The following FHAD1 variants were observed in gnomAD, a reference collection of about 807,000 sequenced individuals.
FHAD1 encodes the protein forkhead associated phosphopeptide binding domain 1, also known as forkhead-associated domain-containing protein 1.
In FHAD1, 146 loss-of-function variants were observed where a neutral mutation model predicts 191.3. The ratio of observed to expected loss-of-function variants is 0.76; its 90% CI spans 0.67 to 0.88. The LOEUF is 0.88. Ranked by LOEUF, FHAD1 falls within the 40% of genes least tolerant of loss-of-function variation. The probability of loss-of-function intolerance (pLI) is 0.00; values close to 1 mark genes in which losing one functional copy is unlikely to be tolerated. For missense variants in FHAD1, 1,635 were observed against 1,785.8 expected (o/e 0.92, Z 1.52); for synonymous variants, 616 against 672.3 (o/e 0.92, Z 1.29).
intron 14 of FHAD1, among the ~76,000 whole-genome samples, chr1:15,333,824 C>CTTTTTTTTTTTTTTTTT (rs55698715): frequency 1.2e-4 from 8 of 64,804 alleles, no homozygotes; most frequent in African/African-American, 1.8e-4. Context: ...TTTTATTTAT[C>CTTTTTTTTTTTTTTTTT]TTTTTTTTTT....
chr1:15,284,022 C>T (rs1661488086), intron 3 of FHAD1, among the ~76,000 whole-genome samples: 1 of 152,186 alleles, frequency 6.6e-6, no homozygotes, highest in Non-Finnish European at 1.5e-5. Flanking sequence ...TGGGGCAAGT[C>T]TCTGAACCTC....
intron 16 of FHAD1, among the ~76,000 whole-genome samples, chr1:15,344,166 G>A (rs1687939019): frequency 6.6e-6 from 1 of 152,144 alleles, no homozygotes; most frequent in African/African-American, 2.4e-5. Context: ...CTTGACCCTG[G>A]GGACTCCTTG....
At chr1:15,315,022 C>A (rs1219322433) in intron 8 of FHAD1, 1 of 151,990 alleles carries the variant, frequency 6.6e-6, no homozygotes, top group African/African-American at 2.4e-5. Flanking sequence ...GTCCCCATTT[C>A]CCTTCCCCGT....
At chr1:15,385,982 T>C (rs1702008824) in intron 31 of FHAD1, among the ~76,000 whole-genome samples, 1 of 152,182 alleles carries the variant, frequency 6.6e-6, no homozygotes, top group African/African-American at 2.4e-5. Context: ...GTGCCCAATC[T>C]AGTCCACTTC....
rs146272326 is a variant in FHAD1 at position 15,277,986 on chromosome 1, C to T, written c.300+5457C>T. ...TCCATTTTACAGGTGAGGCACAAAA[C>T]GTAACACATTTTTCGGGGTTATAGA... On this transcript the variant is annotated intron_variant, in intron 3 of 33. Transcript: ENST00000688493. Among the ~76,000 whole-genome samples the T allele has an allele frequency of 6.4e-4, 98 of 152,224 alleles. 1 individual carries two copies. In the East Asian group the frequency reaches 0.013, roughly 20 times the overall value.
At position 15,305,856 on chromosome 1, in the gene FHAD1, G is replaced by A. The variant is rs568521601; in HGVS notation, c.916-2757G>A. 1.1e-4 allele frequency: 43 copies of A among 387,110 alleles called. No individual in the cohort carries two copies. In the East Asian group the frequency reaches 1.3e-3, roughly 11 times the overall value. 24.0% of individuals were successfully genotyped at this position (387,110 alleles called of 1,614,324 possible). On this transcript the variant is annotated intron_variant, in intron 6 of 33. Coordinates refer to ENST00000688493, the MANE Select transcript of FHAD1 (RefSeq NM_001391957.1). ...TAAATCTCTTTTTCTTCCCAGTATCGGGTATGGCTTTATCAGCAGTGTGAA... is the reference window on the plus strand; with the variant it reads ...TAAATCTCTTTTTCTTCCCAGTATCAGGTATGGCTTTATCAGCAGTGTGAA...
At chr1:15,269,912 TC>T in intron 2 of FHAD1, among the ~76,000 whole-genome samples, 1 of 130,792 alleles carries the variant, frequency 7.6e-6, no homozygotes, top group Non-Finnish European at 1.6e-5. Context: ...TATTTATGGC[TC>T]TCTTTTTTTT....
chr1:15,279,791 T>TACTC (rs1659895919), intron 3 of FHAD1, among the ~76,000 whole-genome samples: 1 of 151,952 alleles, frequency 6.6e-6, no homozygotes, highest in South Asian at 2.1e-4. Context: ...GCCTGGGGCA[T>TACTC]ACTCCCTCCC....
At chr1:15,269,246 GA>G (rs200539057) in intron 2 of FHAD1, among the ~76,000 whole-genome samples, 2,017 of 152,206 alleles carry the variant, frequency 0.013, 19 homozygotes, top group Middle Eastern at 0.037. Flanking sequence ...TCCTAAGGTA[GA>G]AACTTTGATT....
chr1:15,386,169 C>A (rs751150203), intron 31 of FHAD1, among the ~76,000 whole-genome samples: 61 of 152,186 alleles, frequency 4.0e-4, no homozygotes, highest in South Asian at 4.1e-4. Flanking sequence ...ACAGGACCTG[C>A]TTCGTGGGGT....
chr1:15,260,641 A>C (rs1650598372), intron 2 of FHAD1, among the ~76,000 whole-genome samples: 1 of 152,234 alleles, frequency 6.6e-6, no homozygotes, highest in South Asian at 2.1e-4. Context: ...CCTCAGCTTC[A>C]GAGGCCTCCC....
intron 31 of FHAD1, chr1:15,384,108 A>C: frequency 1.2e-5 from 2 of 170,484 alleles, no homozygotes; most frequent in South Asian, 2.1e-4. Context: ...AGAGAGCCAA[A>C]CCCCCAGAGA....
chr1:15,308,171 G>A (rs530058152), intron 6 of FHAD1, among the ~76,000 whole-genome samples: 312 of 152,320 alleles, frequency 2.0e-3, no homozygotes, highest in African/African-American at 7.1e-3. Context: ...GGGCTTTGTA[G>A]GTTCTAGAGT....
rs578234492 is a variant in FHAD1, at chr1:15,376,754, G to A, written c.3705+1024G>A. Among the ~76,000 whole-genome samples, 19 of 152,318 alleles carry A rather than the reference G, an allele frequency of 1.2e-4. 1 individual carries two copies. In the South Asian group the frequency reaches 3.7e-3, roughly 30 times the overall value. On this transcript the variant is annotated intron_variant, in intron 28 of 33. Transcript: ENST00000688493. ...TGTTATTATTAAAATTATTTAAATA[G>A]GCCAGGTGTGGTGGCTCACGCCCAT...
Position 15,395,183 on chromosome 1 carries a change from G to A in FHAD1, c.4324-2114G>A, listed in dbSNP as rs140591175. Among the ~76,000 whole-genome samples the A allele has an allele frequency of 6.4e-3, 980 of 151,976 alleles. 6 individuals carry two copies. The highest frequency in any genetic ancestry group is 0.011 in the Non-Finnish European group (718 of 67,980). On this transcript the variant is annotated intron_variant, in intron 33 of 33. Transcript: ENST00000688493. The stretch of plus-strand genomic sequence containing the variant: ...AAAAAAATTAGCCGGGCATGCTGGC[G>A]GGCACCTGTTGTCCCAGGTACTCGG...
intron 2 of FHAD1, among the ~76,000 whole-genome samples, chr1:15,271,338 G>C (rs1455929330): frequency 6.6e-6 from 1 of 152,124 alleles, no homozygotes; most frequent in East Asian, 1.9e-4. Context: ...AGACTTCAGT[G>C]TGCCCTGCAG....
chr1:15,371,079 AG>A (rs1343677238), intron 26 of FHAD1, among the ~76,000 whole-genome samples: 6 of 152,216 alleles, frequency 3.9e-5, no homozygotes, highest in African/African-American at 1.4e-4. Context: ...GGGCTGCAGC[AG>A]GTCCACGTGG....
upstream of FHAD1, among the ~76,000 whole-genome samples, chr1:15,244,130 G>A (rs776777627): frequency 1.3e-5 from 2 of 151,980 alleles, no homozygotes; most frequent in African/African-American, 4.8e-5. This position sits in a 1 kb window ranked among gnomAD's most constrained non-coding sequence, Gnocchi z 5.1. Context: ...CTCAGCCCAG[G>A]AAATTATATC....
Position 15,381,395 on chromosome 1 carries a change from G to T in FHAD1, c.3966G>T (p.Gln1322His), listed in dbSNP as rs1700865599. The T allele has an allele frequency of 6.4e-7, 1 of 1,551,808 alleles. No homozygotes were observed. Among genetic ancestry groups the T allele is most frequent in the Non-Finnish European group, 8.7e-7 (1 of 1,147,016 alleles). Residue 1322 changes from glutamine to histidine, a missense_variant, in exon 30 of 34, where the codon CAG (glutamine) becomes CAT (histidine). Transcript: ENST00000688493. This position sits in a 1 kb window ranked among gnomAD's most constrained non-coding sequence, Gnocchi z 4.6. ...VFDKITQLKN[Q>H]LGRKEELLRG... is the part of the protein sequence containing the mutation. ...ATAAGATCACCCAACTCAAGAACCA[G>T]CTGGGGAGGAAAGAGGAGCTGTTGA...
Sources: gnomAD v4.1 joint callset for allele counts (sites outside exome capture counted in the v4.1 genomes callset) on GRCh38, gnomAD v4.1.1 for gene constraint, Gnocchi (gnomAD v3.1) non-coding constraint, MANE v1.5 for transcripts, NCBI Gene and HGNC (gene_info 2026-07-23, HGNC 2026-07-21) for gene names.